The following SLC38A10 variants were observed in gnomAD, a reference collection of about 807,000 sequenced individuals.
The protein encoded by SLC38A10 is solute carrier family 38 member 10.
A neutral mutation model predicts 81.0 loss-of-function variants in SLC38A10; 53 were observed. The ratio of observed to expected loss-of-function variants is 0.65; its 90% confidence interval spans 0.53 to 0.82. SLC38A10 has a LOEUF of 0.82. SLC38A10 is among the 40% of genes least tolerant of loss of function. The pLI is 0.00. For synonymous variants in SLC38A10, 665 were observed against 655.3 expected (o/e 1.01, Z -0.23); for missense variants, 1,471 against 1,545.0 (o/e 0.95, Z 0.80).
intron 8 of SLC38A10, among the ~76,000 whole-genome samples, chr17:81,275,764 G>T (rs1055941349): frequency 1.2e-4 from 18 of 150,786 alleles, no homozygotes; most frequent in African/African-American, 4.2e-4. Flanking sequence ...TGAACGCCAT[G>T]TGCCCATCTC....
rs1432061930 is a variant in SLC38A10, at chr17:81,280,603, A to G, written c.626+6T>C. The G allele has an allele frequency of 6.2e-7, 1 of 1,613,722 alleles. No homozygotes were observed. Among genetic ancestry groups the G allele is most frequent in the Admixed American group, 1.7e-5 (1 of 60,004 alleles). On this transcript the variant is annotated splice_donor_region_variant and intron_variant, in intron 6 of 15. Transcript: ENST00000374759. ...ACTCCACCACAGACCACAGCAGGAC[A>G]CTTACGACTGGCAGGCGAAGGACAT... is the stretch of plus-strand genomic sequence containing the variant.
At position 81,289,924 on chromosome 17, in the gene SLC38A10, G is replaced by A. The variant is rs2146958733; in HGVS notation, c.100-116C>T. The A allele has an allele frequency of 1.3e-6, 1 of 786,688 alleles. No homozygotes were observed. Among genetic ancestry groups the A allele is most frequent in the South Asian group, 2.0e-5 (1 of 49,668 alleles). The allele number at this position is 786,688 out of a possible 1,614,324, so 48.7% of individuals were successfully genotyped here. On this transcript the variant is annotated intron_variant, in intron 1 of 15. Transcript: ENST00000374759. The surrounding 1 kb of genome is among the most constrained non-coding windows in gnomAD (Gnocchi z 5.9). ...CACCCCCAGGCCCCGCTCCATCCCAGTCTCCTGCCGAACGCGACACTTCCT... is the reference window on the plus strand; with the variant it reads ...CACCCCCAGGCCCCGCTCCATCCCAATCTCCTGCCGAACGCGACACTTCCT...
chr17:81,269,274 G>A (rs1469855237), intron 10 of SLC38A10, among the ~76,000 whole-genome samples: 1 of 152,228 alleles, frequency 6.6e-6, no homozygotes, highest in Non-Finnish European at 1.5e-5. Flanking sequence ...AGCACTTTGG[G>A]AGGCTGAGGC....
Position 81,246,897 on chromosome 17 carries a change from T to C in SLC38A10, c.2230A>G (p.Lys744Glu). The change falls in exon 15 of 16, where the codon AAA (lysine) becomes GAA (glutamate). Residue 744 changes from lysine to glutamate, a missense_variant. Physicochemically the swap from Lys to Glu is moderately conservative, Grantham distance 56 (BLOSUM62 1). Coordinates refer to ENST00000374759, the MANE Select transcript of SLC38A10 (RefSeq NM_001037984.3). ...CAGCCCGGCCTACCCTGCCTGGGTTTATCCTCCTCGTCCTCCTGCCTCTGC... is the reference window on the plus strand; with the variant it reads ...CAGCCCGGCCTACCCTGCCTGGGTTCATCCTCCTCGTCCTCCTGCCTCTGC... ...HQQRQEDEED[K>E]PRQVEVHQEP... 6.3e-7 allele frequency: 1 copy of C among 1,598,936 alleles called. No individual in the cohort carries two copies.
rs554688131 is a variant in SLC38A10, at chr17:81,256,711, A to G, written c.1289-3471T>C. Among the ~76,000 whole-genome samples the G allele has an allele frequency of 3.3e-5, 5 of 152,362 alleles. No homozygotes were observed. The South Asian group carries it at 8.3e-4, about 25-fold the overall frequency. ...TCCCTGCTTTTAGGCAACTTTTCTA[A>G]GAGCTGATTTCTGACTTTCCCTTGA... is the stretch of plus-strand genomic sequence containing the variant. On this transcript the variant is annotated intron_variant, in intron 11 of 15. Coordinates refer to ENST00000374759, the MANE Select transcript of SLC38A10 (RefSeq NM_001037984.3).
Position 81,254,293 on chromosome 17 carries a change from G to A in SLC38A10, c.1289-1053C>T, listed in dbSNP as rs75787532. ...GCTTTCTACCAGCCTTCTAAGAGCA[G>A]CCTGATATGTTAGTCTAGGGAAACA... is the stretch of plus-strand genomic sequence containing the variant. On this transcript the variant is annotated intron_variant, in intron 11 of 15. Coordinates refer to ENST00000374759, the MANE Select transcript of SLC38A10 (RefSeq NM_001037984.3). Among the ~76,000 whole-genome samples the A allele has an allele frequency of 7.3e-3, 1,118 of 152,342 alleles. 13 individuals carry two copies. The highest frequency in any genetic ancestry group is 0.026 in the African/African-American group (1,063 of 41,578).
Position 81,289,903 on chromosome 17 carries a change from C to T in SLC38A10, c.100-95G>A, listed in dbSNP as rs1598408321. Reference sequence around the variant, plus strand: ...GCGGCTCATGAGGACCCTCTTCACCCCCAGGCCCCGCTCCATCCCAGTCTC... The same window carrying T: ...GCGGCTCATGAGGACCCTCTTCACCTCCAGGCCCCGCTCCATCCCAGTCTC... On this transcript the variant is annotated intron_variant, in intron 1 of 15. Coordinates refer to ENST00000374759, the MANE Select transcript of SLC38A10 (RefSeq NM_001037984.3). The surrounding 1 kb of genome is among the most constrained non-coding windows in gnomAD (Gnocchi z 5.9). The T allele has an allele frequency of 1.0e-6, 1 of 978,078 alleles. No individual in the cohort carries two copies. The highest frequency in any genetic ancestry group is 2.9e-5 in the East Asian group (1 of 34,414). The allele number at this position is 978,078 out of a possible 1,614,324, so 60.6% of individuals were successfully genotyped here.
intron 9 of SLC38A10, among the ~76,000 whole-genome samples, chr17:81,271,458 C>T (rs897925933): frequency 6.6e-6 from 1 of 152,198 alleles, no homozygotes; most frequent in Non-Finnish European, 1.5e-5. Flanking sequence ...GCCTCTAGGG[C>T]TGTTCCCTGG....
intron 1 of SLC38A10, among the ~76,000 whole-genome samples, chr17:81,291,660 CT>C (rs1475307402): frequency 2.0e-5 from 3 of 152,176 alleles, no homozygotes; most frequent in Non-Finnish European, 4.4e-5. Context: ...CACACGCACC[CT>C]GGGGCCCGGC....
At chr17:81,268,596 T>C (rs1305897579) in intron 10 of SLC38A10, among the ~76,000 whole-genome samples, 1 of 152,002 alleles carries the variant, frequency 6.6e-6, no homozygotes, top group Non-Finnish European at 1.5e-5. Context: ...GAAACAACAA[T>C]AACAATGTCT....
At chr17:81,247,299 G>A (rs1677113523) in intron 14 of SLC38A10, 2 of 404,488 alleles carry the variant, frequency 4.9e-6, no homozygotes, top group East Asian at 3.8e-5. Context: ...AAGCCCACCC[G>A]GGATGGCCTC....
At position 81,271,029 on chromosome 17, in the gene SLC38A10, G is replaced by C. The variant is rs199683096; in HGVS notation, c.1025-5C>G. The C allele has an allele frequency of 2.7e-5, 44 of 1,606,750 alleles. No homozygotes were observed. The East Asian group carries it at 7.6e-4, about 28-fold the overall frequency. On this transcript the variant is annotated splice_polypyrimidine_tract_variant and splice_region_variant and intron_variant, in intron 9 of 15. Transcript: ENST00000374759. The stretch of plus-strand genomic sequence containing the variant: ...TGAGGCCCAGGATGGTCTCCACTAG[G>C]ATGGAGAAGTGACAGGAAGGGATGA...
At chr17:81,287,745 CA>C (rs1356629956) in intron 2 of SLC38A10, among the ~76,000 whole-genome samples, 2 of 152,226 alleles carry the variant, frequency 1.3e-5, no homozygotes, top group Non-Finnish European at 2.9e-5. Context: ...CACATGTAGC[CA>C]AACTGGTTTG....
At chr17:81,255,324 C>T (rs2062962053) in intron 11 of SLC38A10, among the ~76,000 whole-genome samples, 1 of 152,264 alleles carries the variant, frequency 6.6e-6, no homozygotes, top group Admixed American at 6.5e-5. Context: ...TTCTCCACAA[C>T]GGAGCCCATC....
chr17:81,274,800 A>G (rs1166760868), intron 8 of SLC38A10, among the ~76,000 whole-genome samples: 1 of 152,256 alleles, frequency 6.6e-6, no homozygotes, highest in Admixed American at 6.5e-5. Flanking sequence ...GGAGAGAACC[A>G]GGACAGCCCT....
chr17:81,274,232 G>T (rs80141436), intron 8 of SLC38A10, among the ~76,000 whole-genome samples: 1 of 152,328 alleles, frequency 6.6e-6, no homozygotes, highest in East Asian at 1.9e-4. Flanking sequence ...GAACTCCGCA[G>T]AAGAGAGGAG....
At position 81,253,317 on chromosome 17, in the gene SLC38A10, C is replaced by A; in HGVS notation, c.1289-77G>T. On this transcript the variant is annotated intron_variant, in intron 11 of 15. Coordinates refer to ENST00000374759, the MANE Select transcript of SLC38A10 (RefSeq NM_001037984.3). The surrounding 1 kb of genome is among the most constrained non-coding windows in gnomAD (Gnocchi z 4.1). ...GGGGCAGCTCTCCCTGGACTGTTACCATATTTTCCAGCCAAATGGCAGAGT... is the reference window on the plus strand; with the variant it reads ...GGGGCAGCTCTCCCTGGACTGTTACAATATTTTCCAGCCAAATGGCAGAGT... The A allele has an allele frequency of 6.6e-7, 1 of 1,517,222 alleles. No homozygotes were observed. Among genetic ancestry groups the A allele is most frequent in the South Asian group, 1.2e-5 (1 of 81,328 alleles). 94.0% of individuals were successfully genotyped at this position (1,517,222 alleles called of 1,614,324 possible). A position where few individuals can be genotyped will look rare whatever the true frequency, so the allele number is the denominator to read the frequency against.
In SLC38A10 at chr17:81,265,777, C is replaced by T. The variant is rs1160543797; in HGVS notation, c.1131+5141G>A. ...CCTTGCGGTGCTGACATCTCCGTAC[C>T]TAAGGAAACAGGGCATGCTGAGCGG... On this transcript the variant is annotated intron_variant, in intron 10 of 15. Coordinates refer to ENST00000374759, the MANE Select transcript of SLC38A10 (RefSeq NM_001037984.3). This position sits in a 1 kb window ranked among gnomAD's most constrained non-coding sequence, Gnocchi z 4.2. 6.6e-6 allele frequency among the ~76,000 whole-genome samples: 1 copy of T among 152,224 alleles called. No homozygotes were observed. Among genetic ancestry groups the T allele is most frequent in the East Asian group, 1.9e-4 (1 of 5,196 alleles).
intron 14 of SLC38A10, 106 bp from the exon 15 acceptor site, chr17:81,247,167 G>T: frequency 1.7e-6 from 2 of 1,205,686 alleles, no homozygotes; most frequent in African/African-American, 1.5e-5. Context: ...CACCTGCAGG[G>T]AGTGTGCCCG....
Sources: gnomAD v4.1 joint callset for allele counts (sites outside exome capture counted in the v4.1 genomes callset) on GRCh38, gnomAD v4.1.1 for gene constraint, Gnocchi (gnomAD v3.1) non-coding constraint, MANE v1.5 for transcripts, NCBI Gene and HGNC (gene_info 2026-07-23, HGNC 2026-07-21) for gene names.